DMD: variants seen among roughly 807,000 people sequenced by gnomAD.
DMD encodes mutant dystrophin.
Under a neutral mutation model 330.1 loss-of-function variants are expected in DMD, and 63 were observed. The observed-to-expected ratio is 0.19, with a 90% CI of 0.16 to 0.24. DMD has a LOEUF of 0.24. Among genes scored for constraint, DMD ranks in the 10% least tolerant of loss-of-function variants. The probability of loss-of-function intolerance (pLI) is 1.00; values close to 1 mark genes in which losing one functional copy is unlikely to be tolerated. For missense variants in DMD, 3,344 were observed against 2,684.1 expected, an observed-to-expected ratio of 1.25 and a Z score of -5.43; for synonymous variants, 1,223 against 959.8, an observed-to-expected ratio of 1.27 and a Z score of -5.07.
chrX:33,267,746 A>G (rs2053070793), intron 1 of DMD, among the ~76,000 whole-genome samples: 1 of 110,715 alleles, frequency 9.0e-6, no homozygotes, highest in Non-Finnish European at 1.9e-5. Flanking sequence ...CACAGAAATA[A>G]AGCCATACAC....
Position 32,406,755 on chromosome X carries a change from T to C in DMD, c.4233+4997A>G, listed in dbSNP as rs187869081. Among the ~76,000 whole-genome samples the C allele has an allele frequency of 5.4e-3, 598 of 111,357 alleles. 19 individuals are homozygous for C. In the Admixed American group the frequency reaches 0.055, roughly 10 times the overall value. On this transcript the variant is annotated intron_variant, in intron 30 of 78. Transcript: ENST00000357033. ...CAAGGCTACAGTAACCAAAACAGCA[T>C]GGTACTGGTACCAAAACAGAGATAT...
intron 63 of DMD, among the ~76,000 whole-genome samples, chrX:31,232,881 C>T (rs1251631115): frequency 2.7e-5 from 3 of 112,081 alleles, no homozygotes; most frequent in Non-Finnish European, 3.8e-5. Context: ...TCCTTCATTT[C>T]CTACTCCTCA....
chrX:33,166,903 A>G (rs1295865509), intron 1 of DMD, among the ~76,000 whole-genome samples: 1 of 110,998 alleles, frequency 9.0e-6, no homozygotes. Flanking sequence ...CTAGAAGGCT[A>G]TTAATGGGAT....
chrX:33,280,214 C>T (rs142300352), intron 1 of DMD, among the ~76,000 whole-genome samples: 2,412 of 111,106 alleles, frequency 0.022, 27 homozygotes, highest in Middle Eastern at 0.042. Flanking sequence ...AACTCCTGAG[C>T]GTAAGCGACC....
intron 60 of DMD, among the ~76,000 whole-genome samples, chrX:31,403,523 A>G (rs1240977393): frequency 8.9e-6 from 1 of 112,332 alleles, no homozygotes; most frequent in African/African-American, 3.2e-5. Flanking sequence ...GATATCAAGG[A>G]GTTTCCTTTC....
At chrX:31,710,115 G>A (rs1244532662) in intron 52 of DMD, among the ~76,000 whole-genome samples, 4 of 111,646 alleles carry the variant, frequency 3.6e-5, no homozygotes, top group African/African-American at 6.5e-5. Context: ...CAAGATGTCC[G>A]GGAATGGCCA....
chrX:32,860,634 G>C (rs112763721), intron 2 of DMD, among the ~76,000 whole-genome samples: 102 of 110,965 alleles, frequency 9.2e-4, no homozygotes, highest in African/African-American at 3.2e-3. Flanking sequence ...TAATAAAGCA[G>C]TATTCTGTTG....
At chrX:31,844,784 T>A (rs749608197) in intron 48 of DMD, among the ~76,000 whole-genome samples, 46 of 111,574 alleles carry the variant, frequency 4.1e-4, no homozygotes, top group African/African-American at 1.5e-3. Flanking sequence ...TTTTTTGTGG[T>A]TATTGTAAAT....
intron 43 of DMD, among the ~76,000 whole-genome samples, chrX:32,242,655 AC>A (rs2097213401): frequency 1.8e-5 from 2 of 111,258 alleles, no homozygotes; most frequent in Admixed American, 1.9e-4. Flanking sequence ...TAAAACATGC[AC>A]CCTATAAAAT....
chrX:32,919,005 G>A (rs2088119110), intron 2 of DMD, among the ~76,000 whole-genome samples: 1 of 112,146 alleles, frequency 8.9e-6, no homozygotes, highest in African/African-American at 3.2e-5. Flanking sequence ...GGTTGAGAAA[G>A]TGGGAAACAG....
chrX:32,255,992 G>T (rs957954746), intron 43 of DMD, among the ~76,000 whole-genome samples: 2 of 111,065 alleles, frequency 1.8e-5, no homozygotes, highest in South Asian at 7.6e-4. Flanking sequence ...ACAGATTCAC[G>T]TACTATGTAT....
At chrX:31,850,846 CAA>C in intron 48 of DMD, among the ~76,000 whole-genome samples, 1 of 112,443 alleles carries the variant, frequency 8.9e-6, no homozygotes, top group Middle Eastern at 4.6e-3. Flanking sequence ...AACAAACAAA[CAA>C]TATGTGATTT....
intron 73 of DMD, among the ~76,000 whole-genome samples, chrX:31,170,992 C>T (rs368374608): frequency 1.9e-4 from 21 of 112,074 alleles, no homozygotes; most frequent in African/African-American, 5.8e-4. Flanking sequence ...GCCACTGTTA[C>T]GTAGATACAA....
chrX:31,873,089 G>A (rs1041685613), intron 48 of DMD, among the ~76,000 whole-genome samples: 7 of 111,370 alleles, frequency 6.3e-5, no homozygotes, highest in Non-Finnish European at 1.3e-4. Context: ...TGTGCAGGCT[G>A]TTGTTACCCA....
At chrX:31,966,946 G>T (rs1001369176) in intron 45 of DMD, among the ~76,000 whole-genome samples, 1 of 109,718 alleles carries the variant, frequency 9.1e-6, no homozygotes, top group Admixed American at 9.8e-5. Flanking sequence ...TCCACTTTAT[G>T]AATTCTCTCC....
chrX:32,117,436 C>T (rs1437065375), intron 44 of DMD, among the ~76,000 whole-genome samples: 1 of 111,846 alleles, frequency 8.9e-6, no homozygotes, highest in Non-Finnish European at 1.9e-5. Context: ...CCAGCAGTGC[C>T]CCCTCTTAGA....
chrX:33,181,428 C>T (rs1202413183), intron 1 of DMD, among the ~76,000 whole-genome samples: 1 of 111,547 alleles, frequency 9.0e-6, no homozygotes, highest in Non-Finnish European at 1.9e-5. Context: ...GCAGTTATAA[C>T]ACAGGTAACT....
At chrX:32,763,139 C>T (rs771306312) in intron 7 of DMD, among the ~76,000 whole-genome samples, 5 of 111,579 alleles carry the variant, frequency 4.5e-5, no homozygotes, top group African/African-American at 6.5e-5. Context: ...TTGACTTGAA[C>T]CAGAAATGAC....
In DMD at chrX:32,782,889, A is replaced by ATT. The variant is rs775293751; in HGVS notation, c.649+26603_649+26604insAA. On this transcript the variant is annotated intron_variant, in intron 7 of 78. Transcript: ENST00000357033. ...TATATACACACACACGTATATATAT[A>ATT]CATATACACATATATATCATATATA... 2.8e-5 allele frequency among the ~76,000 whole-genome samples: 3 copies of ATT among 106,603 alleles called. No individual in the cohort carries two copies. In the Admixed American group the frequency reaches 3.1e-4, roughly 11 times the overall value. 92.6% of individuals were successfully genotyped at this position (106,603 alleles called of 115,157 possible).
Sources: allele counts gnomAD v4.1 joint callset (sites outside exome capture counted in the v4.1 genomes callset), GRCh38; gene constraint gnomAD v4.1.1; transcripts MANE v1.5; gene names NCBI Gene and HGNC (gene_info 2026-07-23, HGNC 2026-07-21).